BLNK: variants seen among roughly 807,000 people sequenced by gnomAD.
The protein encoded by BLNK is B-cell linker protein.
A neutral mutation model predicts 73.5 loss-of-function variants in BLNK; 29 were observed. That is an observed-to-expected ratio of 0.39 (90% confidence interval 0.29 to 0.54). BLNK has a LOEUF of 0.54. Ranked by LOEUF, BLNK falls within the 20% of genes least tolerant of loss-of-function variation. The pLI is 0.61. For missense variants in BLNK, 460 were observed against 562.8 expected (o/e 0.82, Z 1.85); for synonymous variants, 176 against 200.8 (o/e 0.88, Z 1.04).
At chr10:96,236,034 G>C (rs587752160) in intron 3 of BLNK, among the ~76,000 whole-genome samples, 27 of 152,256 alleles carry the variant, frequency 1.8e-4, no homozygotes, top group Admixed American at 9.8e-4. Context: ...CAGGGGGTCT[G>C]GGAATGGGAA....
chr10:96,271,219 A>G, intron 1 of BLNK, 133 bp downstream of exon 1: 13 of 1,003,458 alleles, frequency 1.3e-5, no homozygotes, highest in Non-Finnish European at 2.0e-5. Context: ...AGCTCAGTCC[A>G]CTTCCCTATA....
chr10:96,265,302 C>T (rs1477962842), intron 1 of BLNK, among the ~76,000 whole-genome samples: 1 of 152,072 alleles, frequency 6.6e-6, no homozygotes, highest in Non-Finnish European at 1.5e-5. Flanking sequence ...GCCATTGGAT[C>T]AGACTCACAA....
chr10:96,267,260 A>C (rs577828296), intron 1 of BLNK, among the ~76,000 whole-genome samples: 1 of 152,310 alleles, frequency 6.6e-6, no homozygotes, highest in Admixed American at 6.5e-5. Context: ...TGGGGGAGCT[A>C]ATAACCTATC....
intron 3 of BLNK, among the ~76,000 whole-genome samples, chr10:96,236,298 C>T (rs1459476058): frequency 6.6e-6 from 1 of 152,014 alleles, no homozygotes; most frequent in South Asian, 2.1e-4. Context: ...GTGGGAAGAC[C>T]GCAGCAGGAC....
At chr10:96,255,880 TGCA>T (rs1310604342) in intron 1 of BLNK, among the ~76,000 whole-genome samples, 8 of 152,172 alleles carry the variant, frequency 5.3e-5, no homozygotes, top group African/African-American at 1.9e-4. Context: ...TCCTCAAGAG[TGCA>T]GCAGCTCCCC....
intron 4 of BLNK, among the ~76,000 whole-genome samples, chr10:96,228,266 AT>A (rs1350579481): frequency 4.0e-5 from 6 of 149,596 alleles, no homozygotes; most frequent in Admixed American, 6.6e-5. Flanking sequence ...TGCCTGGCTA[AT>A]TTTTTTTTGA....
intron 1 of BLNK, among the ~76,000 whole-genome samples, chr10:96,254,662 C>T (rs894254742): frequency 2.6e-5 from 4 of 152,168 alleles, no homozygotes; most frequent in Admixed American, 2.6e-4. Flanking sequence ...AGGCGCCTGC[C>T]ACCACGCCTG....
chr10:96,201,188 T>G, intron 13 of BLNK, 130 bp from the exon 14 acceptor site: 1 of 811,612 alleles, frequency 1.2e-6, no homozygotes, highest in Non-Finnish European at 2.1e-6. Context: ...AGGCAATGGT[T>G]CCAAAAGTGT....
At position 96,252,005 on chromosome 10, in the gene BLNK, G is replaced by A. The variant is rs1591359595; in HGVS notation, c.48-4956C>T. Among the ~76,000 whole-genome samples, 6 of 152,142 alleles carry A rather than the reference G, an allele frequency of 3.9e-5. No individual in the cohort carries two copies. In the South Asian group the frequency reaches 1.2e-3, roughly 32 times the overall value. On this transcript the variant is annotated intron_variant, in intron 1 of 16. Coordinates refer to ENST00000224337, the MANE Select transcript of BLNK (RefSeq NM_013314.4). Reference sequence around the variant, plus strand: ...GCCTCACCCCTGGAGATTCTCATTGGGTTGTCTGTGGTGCGTCAGAAAATC... The same window carrying A: ...GCCTCACCCCTGGAGATTCTCATTGAGTTGTCTGTGGTGCGTCAGAAAATC...
Position 96,191,696 on chromosome 10 carries a change from C to T in BLNK, c.*277G>A. The T allele has an allele frequency of 3.2e-6, 1 of 309,036 alleles. No individual in the cohort carries two copies. Among genetic ancestry groups the T allele is most frequent in the Non-Finnish European group, 6.1e-6 (1 of 164,468 alleles). 19.1% of individuals were successfully genotyped at this position (309,036 alleles called of 1,614,324 possible). On this transcript the variant is annotated 3_prime_UTR_variant, in exon 17 of 17. Transcript: ENST00000224337. Reference sequence around the variant, plus strand: ...TTTCTTATTTTGATAATATACTTTACACTTATTTTTAAAAATAAAAATATT... The same window carrying T: ...TTTCTTATTTTGATAATATACTTTATACTTATTTTTAAAAATAAAAATATT...
intron 1 of BLNK, 125 bp downstream of exon 1, chr10:96,271,227 A>G (rs888804409): frequency 1.0e-5 from 11 of 1,093,168 alleles, no homozygotes; most frequent in Admixed American, 1.8e-5. Context: ...CCACTTCCCT[A>G]TAGTAAGTGC....
intron 1 of BLNK, among the ~76,000 whole-genome samples, chr10:96,253,257 C>A (rs7905645): frequency 6.6e-6 from 1 of 152,064 alleles, no homozygotes; most frequent in Non-Finnish European, 1.5e-5. Flanking sequence ...CTTTCCTCTG[C>A]TATCTGAGGG....
intron 1 of BLNK, among the ~76,000 whole-genome samples, chr10:96,261,757 T>G (rs546992112): frequency 6.6e-6 from 1 of 152,240 alleles, no homozygotes; most frequent in East Asian, 1.9e-4. Context: ...ATAGTTCTCA[T>G]GTTTGTATGT....
At chr10:96,208,011 G>T in intron 9 of BLNK, 112 bp from the exon 10 acceptor site, 1 of 1,152,040 alleles carries the variant, frequency 8.7e-7, no homozygotes, top group Non-Finnish European at 1.3e-6. Flanking sequence ...CGATACAAGT[G>T]TGTAGAAGAC....
chr10:96,243,364 G>A (rs1842937129), intron 2 of BLNK, among the ~76,000 whole-genome samples: 1 of 152,076 alleles, frequency 6.6e-6, no homozygotes, highest in Admixed American at 6.6e-5. Context: ...GGGTAACATA[G>A]TGAGACTCCA....
At chr10:96,243,559 A>C (rs1177723294) in intron 2 of BLNK, among the ~76,000 whole-genome samples, 1 of 152,140 alleles carries the variant, frequency 6.6e-6, no homozygotes, top group African/African-American at 2.4e-5. Flanking sequence ...AAAAGGAAAA[A>C]AAGCCGAACA....
At position 96,190,316 on chromosome 10, in the gene BLNK, G is replaced by T; in HGVS notation, c.*1657C>A. On this transcript the variant is annotated 3_prime_UTR_variant, in exon 17 of 17. Coordinates refer to ENST00000224337, the MANE Select transcript of BLNK (RefSeq NM_013314.4). ...CATACAGGATGGAATCACGCCAGTA[G>T]TATTGTTCCTGTGTGTCTCTTCATA... The T allele has an allele frequency of 8.4e-6, 5 of 598,796 alleles. No homozygotes were observed. The highest frequency in any genetic ancestry group is 1.5e-5 in the Non-Finnish European group (5 of 328,338). The allele number at this position is 598,796 out of a possible 1,614,324, so 37.1% of individuals were successfully genotyped here.
At chr10:96,203,495 C>T (rs1591302328) in intron 13 of BLNK, 1 of 151,702 alleles carries the variant, frequency 6.6e-6, no homozygotes, top group Non-Finnish European at 1.5e-5. Flanking sequence ...CCTTTTTTTC[C>T]CACATTGAGT....
At position 96,210,085 on chromosome 10, in the gene BLNK, G is replaced by C. The variant is rs1446519332; in HGVS notation, c.677-178C>G. ...AGGAAAACTTGTGGGCAAAGGTGAT[G>C]ACACATTTTAAAAGTGTCAGTGTAT... On this transcript the variant is annotated intron_variant, in intron 8 of 16. Coordinates refer to ENST00000224337, the MANE Select transcript of BLNK (RefSeq NM_013314.4). 2.5e-5 allele frequency: 17 copies of C among 693,800 alleles called. No homozygotes were observed. In the African/African-American group the frequency reaches 3.0e-4, roughly 12 times the overall value. The allele number at this position is 693,800 out of a possible 1,614,324, so 43.0% of individuals were successfully genotyped here.
Sources: allele counts gnomAD v4.1 joint callset (sites outside exome capture counted in the v4.1 genomes callset), GRCh38; gene constraint gnomAD v4.1.1; transcripts MANE v1.5; gene names NCBI Gene and HGNC (gene_info 2026-07-23, HGNC 2026-07-21).